PCSK5: variants seen among roughly 807,000 people sequenced by gnomAD.
The protein encoded by PCSK5 is proprotein convertase subtilisin/kexin type 5, also known as prohormone convertase 5.
In PCSK5, 129 loss-of-function variants were observed where a neutral mutation model predicts 233.2. The observed-to-expected ratio is 0.55, with a 90% confidence interval of 0.48 to 0.64. PCSK5 has a LOEUF of 0.64. PCSK5 is among the 30% of genes least tolerant of loss of function. PCSK5 has a pLI of 0.00. For missense variants in PCSK5, 2,076 were observed against 2,430.1 expected (o/e 0.85, Z 3.06); for synonymous variants, 825 against 879.2 (o/e 0.94, Z 1.09).
intron 20 of PCSK5, among the ~76,000 whole-genome samples, chr9:76,192,449 T>C (rs141665402): frequency 2.6e-5 from 4 of 152,348 alleles, no homozygotes; most frequent in Non-Finnish European, 4.4e-5. Context: ...TTACATTTTA[T>C]CATCTCGGAA....
intron 24 of PCSK5, among the ~76,000 whole-genome samples, chr9:76,242,382 G>A (rs1298703264): frequency 6.6e-6 from 1 of 151,984 alleles, no homozygotes; most frequent in Admixed American, 6.6e-5. Flanking sequence ...TACAGTTTCT[G>A]GAAGCTTAAA....
chr9:76,050,172 C>T (rs562963140), intron 5 of PCSK5, among the ~76,000 whole-genome samples: 4 of 152,138 alleles, frequency 2.6e-5, no homozygotes, highest in African/African-American at 9.6e-5. Context: ...TGGAAGTAGT[C>T]TCATTAGGTG....
At chr9:76,212,358 T>C (rs534421201) in intron 20 of PCSK5, among the ~76,000 whole-genome samples, 6 of 152,236 alleles carry the variant, frequency 3.9e-5, no homozygotes, top group South Asian at 4.1e-4. Flanking sequence ...TGGGTTGATA[T>C]AGCAGGAGAG....
chr9:76,298,943 T>C (rs1828526181), intron 27 of PCSK5, among the ~76,000 whole-genome samples: 2 of 152,232 alleles, frequency 1.3e-5, no homozygotes, highest in Admixed American at 1.3e-4. Flanking sequence ...TCACCCATGC[T>C]GCTCCCCAGT....
At chr9:76,297,327 T>C (rs752429126) in intron 27 of PCSK5, among the ~76,000 whole-genome samples, 5 of 152,196 alleles carry the variant, frequency 3.3e-5, no homozygotes, top group Non-Finnish European at 7.3e-5. Flanking sequence ...CTCGAATGTA[T>C]TAGATTTTAT....
chr9:75,950,142 T>TGGGGGG (rs1563932278), intron 2 of PCSK5, among the ~76,000 whole-genome samples: 7 of 98,326 alleles, frequency 7.1e-5, no homozygotes, highest in Admixed American at 2.5e-4. Context: ...TGTGTGTGTG[T>TGGGGGG]GTGGGGGGGG....
chr9:76,096,802 C>T lies in PCSK5; in HGVS notation c.1107+700C>T, dbSNP rs147936391. On this transcript the variant is annotated intron_variant, in intron 8 of 37. Coordinates refer to ENST00000674117, the MANE Select transcript of PCSK5 (RefSeq NM_001372043.1). ...TTTTAGTAGAGACAGGGTTTCACCACGTTGGCCAGGCTGGTCTCAAACTCC... is the reference window on the plus strand; with the variant it reads ...TTTTAGTAGAGACAGGGTTTCACCATGTTGGCCAGGCTGGTCTCAAACTCC... Among the ~76,000 whole-genome samples the T allele has an allele frequency of 4.1e-3, 616 of 152,044 alleles. 5 individuals are homozygous for T. The highest frequency in any genetic ancestry group is 0.013 in the African/African-American group (555 of 41,514).
intron 7 of PCSK5, among the ~76,000 whole-genome samples, chr9:76,090,691 C>T (rs1831249615): frequency 1.3e-5 from 2 of 152,102 alleles, no homozygotes; most frequent in Admixed American, 6.6e-5. Context: ...TTTTTGGTGC[C>T]AGGGAACGGT....
intron 3 of PCSK5, among the ~76,000 whole-genome samples, chr9:75,994,548 C>T (rs936603367): frequency 6.6e-6 from 1 of 151,584 alleles, no homozygotes; most frequent in African/African-American, 2.4e-5. Flanking sequence ...CCTCAGCCTC[C>T]CGAAGCTGGG....
rs1360839831 is a variant in PCSK5 at position 76,296,876 on chromosome 9, C to T, written c.3523+11C>T. On this transcript the variant is annotated intron_variant, in intron 27 of 37. Coordinates refer to ENST00000674117, the MANE Select transcript of PCSK5 (RefSeq NM_001372043.1). ...GCAAATTCTGGAATGGTATGTGCCC[C>T]CCAAAAAAGAGGTCACAGGGGTCTA... The T allele has an allele frequency of 1.9e-6, 3 of 1,579,082 alleles. No individual in the cohort carries two copies. The highest frequency in any genetic ancestry group is 1.1e-5 in the South Asian group (1 of 89,676).
At chr9:76,097,246 C>CTTTTTTTTA (rs1831564022) in intron 8 of PCSK5, among the ~76,000 whole-genome samples, 1 of 67,328 alleles carries the variant, frequency 1.5e-5, no homozygotes, top group Non-Finnish European at 2.5e-5. Flanking sequence ...AAGTGCATTT[C>CTTTTTTTTA]TTTTTTTTTT....
Position 76,233,581 on chromosome 9 carries a change from A to T in PCSK5, c.2851A>T (p.Thr951Ser), listed in dbSNP as rs769704635. ...CCAAGGAAGTGGCCCTACCCACTGC[A>T]CCTCCTGTGGAGCAGGTGAGAGACT... The part of the protein sequence containing the change: ...RCQGSGPTHC[T>S]SCGADNYGRE... The change falls in exon 22 of 38, where the codon ACC (threonine) becomes TCC (serine). Residue 951 changes from threonine to serine, a missense_variant. Transcript: ENST00000674117. 5 of 1,610,274 alleles carry T rather than the reference A, an allele frequency of 3.1e-6. No homozygotes were observed. The East Asian group carries it at 1.1e-4, about 36-fold the overall frequency.
intron 35 of PCSK5, among the ~76,000 whole-genome samples, chr9:76,345,580 T>C (rs1829957291): frequency 6.7e-6 from 1 of 149,992 alleles, no homozygotes; most frequent in Non-Finnish European, 1.5e-5. Flanking sequence ...TGCCACGACC[T>C]GCTAATTTTT....
At chr9:76,308,831 A>G in intron 29 of PCSK5, 103 bp downstream of exon 29, 2 of 694,962 alleles carry the variant, frequency 2.9e-6, no homozygotes, top group South Asian at 1.7e-5. Flanking sequence ...GCCTTGATCT[A>G]TTCCCATCAC....
At chr9:76,273,566 T>TTAC (rs1564148829) in intron 24 of PCSK5, among the ~76,000 whole-genome samples, 1 of 63,006 alleles carries the variant, frequency 1.6e-5, no homozygotes, top group African/African-American at 5.8e-5. Flanking sequence ...AAAATAGTAA[T>TTAC]ATATATATAC....
intron 1 of PCSK5, among the ~76,000 whole-genome samples, chr9:75,899,308 G>A (rs976902260): frequency 1.3e-5 from 2 of 152,122 alleles, no homozygotes; most frequent in Non-Finnish European, 2.9e-5. Flanking sequence ...CATATACATA[G>A]TGAAATGATT....
chr9:76,064,572 GATGGGGT>G, intron 5 of PCSK5, among the ~76,000 whole-genome samples: 1 of 150,510 alleles, frequency 6.6e-6, no homozygotes, highest in South Asian at 2.1e-4. Flanking sequence ...TCACTTCCCA[GATGGGGT>G]GGCTGCCGGG....
chr9:76,265,195 A>T (rs893786037), intron 24 of PCSK5, among the ~76,000 whole-genome samples: 1 of 152,100 alleles, frequency 6.6e-6, no homozygotes, highest in Non-Finnish European at 1.5e-5. Flanking sequence ...TATAAAAGGG[A>T]ACTAAACATG....
chr9:75,938,859 G>C (rs530534617), intron 2 of PCSK5, among the ~76,000 whole-genome samples: 100 of 152,242 alleles, frequency 6.6e-4, no homozygotes, highest in African/African-American at 2.3e-3. Context: ...GTGCCAGAGT[G>C]GGGGTACATT....
Sources: gnomAD v4.1 joint callset for allele counts (sites outside exome capture counted in the v4.1 genomes callset) on GRCh38, gnomAD v4.1.1 for gene constraint, MANE v1.5 for transcripts, NCBI Gene and HGNC (gene_info 2026-07-23, HGNC 2026-07-21) for gene names.